The following SLC24A3 variants were observed in gnomAD, a reference collection of about 807,000 sequenced individuals.
The protein encoded by SLC24A3 is solute carrier family 24 member 3.
A neutral mutation model predicts 75.8 loss-of-function variants in SLC24A3; 28 were observed. That is an observed-to-expected ratio of 0.37 (90% CI 0.27 to 0.51). The LOEUF (loss-of-function observed/expected upper bound fraction) is 0.51. SLC24A3 is among the 20% of genes least tolerant of loss of function. The pLI, the probability that SLC24A3 is intolerant of heterozygous loss-of-function variation, is 0.94. For synonymous variants in SLC24A3, 372 were observed against 334.1 expected (o/e 1.11, Z -1.24); for missense variants, 663 against 847.8 (o/e 0.78, Z 2.71).
chr20:19,463,428 C>T (rs1412297138), intron 2 of SLC24A3, among the ~76,000 whole-genome samples: 2 of 152,222 alleles, frequency 1.3e-5, no homozygotes, highest in African/African-American at 4.8e-5. Flanking sequence ...TCCACTGAAA[C>T]ACTTATTCCT....
At chr20:19,655,001 C>A (rs1178212176) in intron 7 of SLC24A3, among the ~76,000 whole-genome samples, 1 of 152,094 alleles carries the variant, frequency 6.6e-6, no homozygotes, top group Non-Finnish European at 1.5e-5. Context: ...ATATTTCAGT[C>A]CTCGTTCCTA....
intron 2 of SLC24A3, among the ~76,000 whole-genome samples, chr20:19,285,629 T>C (rs775590962): frequency 6.6e-5 from 10 of 151,392 alleles, no homozygotes; most frequent in Non-Finnish European, 1.5e-4. Flanking sequence ...TTCTTTGCAA[T>C]TGTTCCAGCT....
intron 2 of SLC24A3, among the ~76,000 whole-genome samples, chr20:19,333,080 G>A (rs1464941657): frequency 6.6e-6 from 1 of 152,180 alleles, no homozygotes; most frequent in Non-Finnish European, 1.5e-5. Context: ...CCAGGGAAGT[G>A]TCCTTCAAAG....
intron 6 of SLC24A3, among the ~76,000 whole-genome samples, chr20:19,590,045 T>A (rs2031351894): frequency 3.3e-5 from 5 of 151,566 alleles, no homozygotes; most frequent in Admixed American, 3.3e-4. Flanking sequence ...GGATCTGGGG[T>A]CAATGCCAAG....
intron 1 of SLC24A3, among the ~76,000 whole-genome samples, chr20:19,218,304 C>T (rs929240196): frequency 3.9e-5 from 6 of 152,080 alleles, no homozygotes; most frequent in African/African-American, 1.2e-4. Flanking sequence ...CCAGCAGATT[C>T]GATATCATTA....
intron 6 of SLC24A3, among the ~76,000 whole-genome samples, chr20:19,602,873 G>C (rs895723929): frequency 6.6e-6 from 1 of 152,150 alleles, no homozygotes; most frequent in Non-Finnish European, 1.5e-5. Context: ...CCACATGTCC[G>C]GCAAGCAGAC....
rs548044782 is a variant in SLC24A3, at chr20:19,423,248, C to T, written c.272-92240C>T. 1.1e-4 allele frequency among the ~76,000 whole-genome samples: 16 copies of T among 152,278 alleles called. No individual in the cohort carries two copies. In the East Asian group the frequency reaches 2.5e-3, roughly 24 times the overall value. On this transcript the variant is annotated intron_variant, in intron 2 of 16. Coordinates refer to ENST00000328041, the MANE Select transcript of SLC24A3 (RefSeq NM_020689.4). The stretch of plus-strand genomic sequence containing the variant: ...TCATCCAGATGTTGTGGGAGGGAGA[C>T]ATTTGAGGGGCTGAGCTCAGAAGGG...
rs551479477 is a variant in SLC24A3, at chr20:19,411,998, T to C, written c.272-103490T>C. Among the ~76,000 whole-genome samples, 285 of 152,316 alleles carry C rather than the reference T, an allele frequency of 1.9e-3. 1 individual carries two copies. The highest frequency in any genetic ancestry group is 4.8e-3 in the South Asian group (23 of 4,822). On this transcript the variant is annotated intron_variant, in intron 2 of 16. Coordinates refer to ENST00000328041, the MANE Select transcript of SLC24A3 (RefSeq NM_020689.4). ...CCTTACTTGTTCTTCACTGTATTTT[T>C]AACTGTGAGTACACGGGGTCAGGGT...
At chr20:19,362,259 T>TA (rs1985804110) in intron 2 of SLC24A3, among the ~76,000 whole-genome samples, 1 of 152,238 alleles carries the variant, frequency 6.6e-6, no homozygotes, top group Admixed American at 6.5e-5. Context: ...AGCTTACCTT[T>TA]ATCCTGGCTT....
chr20:19,600,202 A>T (rs548042890), intron 6 of SLC24A3, among the ~76,000 whole-genome samples: 104 of 152,232 alleles, frequency 6.8e-4, no homozygotes, highest in Middle Eastern at 6.8e-3. Context: ...CCCCAGCTCC[A>T]GCTCCAGACC....
At chr20:19,281,304 C>A (rs1444860593) in intron 2 of SLC24A3, among the ~76,000 whole-genome samples, 3 of 152,142 alleles carry the variant, frequency 2.0e-5, no homozygotes, top group East Asian at 3.8e-4. Flanking sequence ...GGGGGTAAGT[C>A]AGAGACAGTG....
At chr20:19,332,347 G>A (rs1474559286) in intron 2 of SLC24A3, among the ~76,000 whole-genome samples, 4 of 152,112 alleles carry the variant, frequency 2.6e-5, no homozygotes, top group Admixed American at 2.0e-4. Flanking sequence ...AGCTCCCTGA[G>A]CCCCCTTGCC....
At chr20:19,625,122 G>A (rs909967168) in intron 6 of SLC24A3, among the ~76,000 whole-genome samples, 1 of 152,084 alleles carries the variant, frequency 6.6e-6, no homozygotes, top group Non-Finnish European at 1.5e-5. Flanking sequence ...TAAAACCTAG[G>A]CTTGGAACTG....
intron 6 of SLC24A3, among the ~76,000 whole-genome samples, chr20:19,626,014 C>G (rs183026675): frequency 4.6e-4 from 70 of 152,162 alleles, no homozygotes; most frequent in African/African-American, 1.6e-3. Flanking sequence ...ATTCATTTTT[C>G]CTGAGTTTAG....
chr20:19,678,962 G>A (rs1414010320), intron 9 of SLC24A3, among the ~76,000 whole-genome samples: 10 of 151,468 alleles, frequency 6.6e-5, no homozygotes, highest in African/African-American at 2.2e-4. Flanking sequence ...GGGCAGAGAC[G>A]CTCCTCACTT....
At chr20:19,681,187 G>A (rs560334410) in intron 9 of SLC24A3, among the ~76,000 whole-genome samples, 177 of 152,250 alleles carry the variant, frequency 1.2e-3, no homozygotes, top group African/African-American at 3.9e-3. Context: ...GGCATCTAAG[G>A]AACACTGCAC....
chr20:19,304,922 C>T (rs918118512), intron 2 of SLC24A3, among the ~76,000 whole-genome samples: 1 of 152,156 alleles, frequency 6.6e-6, no homozygotes, highest in African/African-American at 2.4e-5. Context: ...AACTTTAAGA[C>T]CTGATGAGTT....
intron 2 of SLC24A3, among the ~76,000 whole-genome samples, chr20:19,495,166 G>A (rs1988265444): frequency 6.6e-6 from 1 of 152,156 alleles, no homozygotes; most frequent in Non-Finnish European, 1.5e-5. Context: ...GCATGCACTG[G>A]CCAAGTGCAA....
chr20:19,380,139 G>A (rs1381216405), intron 2 of SLC24A3, among the ~76,000 whole-genome samples: 2 of 152,216 alleles, frequency 1.3e-5, no homozygotes, highest in African/African-American at 4.8e-5. Context: ...GCAATATGAT[G>A]AGATGGCACA....
Sources: allele counts gnomAD v4.1 joint callset (sites outside exome capture counted in the v4.1 genomes callset), GRCh38; gene constraint gnomAD v4.1.1; transcripts MANE v1.5; gene names NCBI Gene and HGNC (gene_info 2026-07-23, HGNC 2026-07-21).